RHOT1: variants seen among roughly 807,000 people sequenced by gnomAD.
The protein encoded by RHOT1 is ras homolog family member T1.
In RHOT1, 27 loss-of-function variants were observed where a neutral mutation model predicts 95.3. The observed-to-expected ratio is 0.28, with a 90% CI of 0.21 to 0.39. RHOT1 has a LOEUF of 0.39. Ranked by LOEUF, RHOT1 falls within the 10% of genes least tolerant of loss-of-function variation. The pLI, the probability that RHOT1 is intolerant of heterozygous loss-of-function variation, is 1.00. For missense variants in RHOT1, 578 were observed against 786.7 expected (o/e 0.73, Z 3.17); for synonymous variants, 227 against 263.5 (o/e 0.86, Z 1.34).
At chr17:32,175,869 C>T (rs2034962124) in intron 4 of RHOT1, 93 bp from the exon 5 acceptor site, 1 of 789,674 alleles carries the variant, frequency 1.3e-6, no homozygotes, top group Non-Finnish European at 1.9e-6. Flanking sequence ...TTTTTTCTTC[C>T]TTTCACCCGA....
rs914067914 is a variant in RHOT1, at chr17:32,224,617, C to T, written c.1864C>T (p.His622Tyr). 4 of 1,606,530 alleles carry T rather than the reference C, an allele frequency of 2.5e-6. No homozygotes were observed. The highest frequency in any genetic ancestry group is 3.4e-6 in the Non-Finnish European group (4 of 1,174,254). The change falls in exon 20 of 20, where the codon CAC becomes TAC. Residue 622 changes from histidine (H) to tyrosine (Y), a missense_variant and splice_region_variant. Physicochemically the swap from His to Tyr is moderately conservative, Grantham distance 83 (BLOSUM62 2). This residue lies in a region of RHOT1 where 296 missense variants were observed against 338.5 expected (regional missense o/e 0.87). Transcript: ENST00000545287. ...NKIFTAVLNRHVTQADLKSST... is the reference protein window; with the variant it reads ...NKIFTAVLNRYVTQADLKSST... ...AATAATTATATTTTCTGACTGCAGG[C>T]ACGTGACACAAGCTGACCTCAAGAG... is the stretch of plus-strand genomic sequence containing the variant.
intron 18 of RHOT1, 104 bp downstream of exon 18, chr17:32,208,413 A>G: frequency 1.8e-6 from 2 of 1,120,006 alleles, no homozygotes; most frequent in Non-Finnish European, 2.7e-6. Flanking sequence ...TTGTTCAGCA[A>G]CAGAAAGATA....
At position 32,225,707 on chromosome 17, in the gene RHOT1, A is replaced by G. The variant is rs1006560060; in HGVS notation, c.*974A>G. The G allele has an allele frequency of 1.3e-5, 2 of 152,354 alleles. No individual in the cohort carries two copies. Among genetic ancestry groups the G allele is most frequent in the Non-Finnish European group, 2.9e-5 (2 of 68,038 alleles). The allele number at this position is 152,354 out of a possible 1,614,324, so 9.4% of individuals were successfully genotyped here. On this transcript the variant is annotated 3_prime_UTR_variant, in exon 20 of 20. Transcript: ENST00000545287. ...ATCAGCCTTTTCAAGTATTTAAATA[A>G]ATAACTGCTGTGTACTGTGATCTTG...
intron 5 of RHOT1, 30 bp from the exon 6 acceptor site, chr17:32,176,131 T>C (rs760393914): frequency 2.5e-6 from 4 of 1,604,254 alleles, no homozygotes; most frequent in Non-Finnish European, 3.4e-6. Context: ...ATCCTTATCA[T>C]GGCTAAGCGC....
chr17:32,201,592 A>G (rs1373033205), intron 14 of RHOT1, among the ~76,000 whole-genome samples: 1 of 152,210 alleles, frequency 6.6e-6, no homozygotes, highest in Non-Finnish European at 1.5e-5. Flanking sequence ...TTAAATTGAC[A>G]GAGCAGGTAC....
chr17:32,186,065 G>A (rs1256090932), intron 8 of RHOT1, among the ~76,000 whole-genome samples: 1 of 152,104 alleles, frequency 6.6e-6, no homozygotes, highest in Non-Finnish European at 1.5e-5. Context: ...GAATTGCTGA[G>A]TCACATGGTA....
chr17:32,177,403 T>C (rs73286145), intron 6 of RHOT1, among the ~76,000 whole-genome samples: 1,720 of 152,244 alleles, frequency 0.011, 33 homozygotes, highest in African/African-American at 0.039. Context: ...TACCCATATG[T>C]TCCTAATATC....
intron 19 of RHOT1, among the ~76,000 whole-genome samples, chr17:32,213,111 C>G (rs1303179378): frequency 6.6e-6 from 1 of 152,190 alleles, no homozygotes; most frequent in African/African-American, 2.4e-5. Context: ...TAATTAAAGT[C>G]AGATGTTTTT....
At chr17:32,199,282 G>C (rs1283891524) in intron 12 of RHOT1, 123 bp from the exon 13 acceptor site, 2 of 926,958 alleles carry the variant, frequency 2.2e-6, no homozygotes, top group Non-Finnish European at 3.2e-6. Flanking sequence ...TTGATAAAAT[G>C]TAAAATTTGT....
intron 1 of RHOT1, among the ~76,000 whole-genome samples, chr17:32,153,077 C>T (rs1370570689): frequency 2.6e-5 from 4 of 152,216 alleles, no homozygotes; most frequent in Non-Finnish European, 5.9e-5. Flanking sequence ...GCTGAGATTA[C>T]AGGCGTGAGC....
chr17:32,194,212 C>T, intron 11 of RHOT1, 105 bp downstream of exon 11: 1 of 1,191,522 alleles, frequency 8.4e-7, no homozygotes, highest in East Asian at 2.4e-5. Flanking sequence ...GTCAAGTGAT[C>T]CTCCCACCTT....
chr17:32,145,680 C>T (rs951796201), intron 1 of RHOT1, among the ~76,000 whole-genome samples: 5 of 152,056 alleles, frequency 3.3e-5, no homozygotes, highest in Admixed American at 1.3e-4. Flanking sequence ...TATACAGATT[C>T]ATATTTAGAA....
chr17:32,151,585 A>G (rs9913891), intron 1 of RHOT1: 1 of 323,600 alleles, frequency 3.1e-6, no homozygotes, highest in East Asian at 7.7e-5. Context: ...TGAACTTTTT[A>G]AAAAAAGGAA....
At chr17:32,214,739 C>CTAAT (rs111859632) in intron 19 of RHOT1, among the ~76,000 whole-genome samples, 6,986 of 152,108 alleles carry the variant, frequency 0.046, 540 homozygotes, top group African/African-American at 0.16. Context: ...GATTGATTGA[C>CTAAT]TAAGTAAAAG....
chr17:32,224,269 A>ACCG (rs1469023109), intron 19 of RHOT1, among the ~76,000 whole-genome samples: 2 of 152,192 alleles, frequency 1.3e-5, no homozygotes, highest in East Asian at 3.8e-4. Flanking sequence ...TTGTGGGAAC[A>ACCG]CCGCCTTAAT....
chr17:32,189,112 G>A (rs2036270997), intron 8 of RHOT1, among the ~76,000 whole-genome samples: 1 of 152,088 alleles, frequency 6.6e-6, no homozygotes, highest in African/African-American at 2.4e-5. Context: ...TCCTGGCTAA[G>A]ATGGTGAAAC....
chr17:32,153,027 C>T (rs2032517596), intron 1 of RHOT1, among the ~76,000 whole-genome samples: 2 of 152,172 alleles, frequency 1.3e-5, no homozygotes, highest in African/African-American at 4.8e-5. Flanking sequence ...GTCTAGAACT[C>T]CTGGGCTCAA....
rs777420781 is a variant in RHOT1 at position 32,209,469 on chromosome 17, T to A, written c.1739+1160T>A. 2.3e-6 allele frequency: 3 copies of A among 1,321,414 alleles called. No homozygotes were observed. The African/African-American group carries it at 4.4e-5, about 19-fold the overall frequency. The allele number at this position is 1,321,414 out of a possible 1,614,324, so 81.9% of individuals were successfully genotyped here. A position where few individuals can be genotyped will look rare whatever the true frequency, so the allele number is the denominator to read the frequency against. ...TTGTAAGTTACTTTTTCTTTATGACTTCTGTGGGATTTTGTTGATATTTTC... is the reference window on the plus strand; with the variant it reads ...TTGTAAGTTACTTTTTCTTTATGACATCTGTGGGATTTTGTTGATATTTTC... On this transcript the variant is annotated intron_variant, in intron 18 of 19. Transcript: ENST00000545287.
intron 1 of RHOT1, among the ~76,000 whole-genome samples, chr17:32,166,124 G>A (rs1366161932): frequency 6.6e-6 from 1 of 150,410 alleles, no homozygotes; most frequent in African/African-American, 2.5e-5. Flanking sequence ...GGTGGCAGAG[G>A]TTGCAGTGAG....
Sources: gnomAD v4.1 joint callset for allele counts (sites outside exome capture counted in the v4.1 genomes callset) on GRCh38, gnomAD v4.1.1 for gene constraint, gnomAD v4.1.1 regional missense constraint, MANE v1.5 for transcripts, NCBI Gene and HGNC (gene_info 2026-07-23, HGNC 2026-07-21) for gene names.